The following UBL3 variants were observed in gnomAD, a reference collection of about 807,000 sequenced individuals.
UBL3 encodes ubiquitin like 3.
A neutral mutation model predicts 18.4 loss-of-function variants in UBL3; 6 were observed. That is an observed-to-expected ratio of 0.33 (90% CI 0.18 to 0.64). The LOEUF is 0.64. UBL3 is among the 30% of genes least tolerant of loss of function. The pLI is 0.76. For missense variants in UBL3, 109 were observed against 142.9 expected (o/e 0.76, Z 1.21); for synonymous variants, 49 against 46.6 (o/e 1.05, Z -0.21).
chr13:29,770,765 C>T (rs1254637211), intron 3 of UBL3, among the ~76,000 whole-genome samples: 1 of 151,648 alleles, frequency 6.6e-6, no homozygotes, highest in Admixed American at 6.6e-5. Flanking sequence ...AGGGAGCTAA[C>T]AGTCAATTCT....
intron 3 of UBL3, among the ~76,000 whole-genome samples, chr13:29,771,552 C>T (rs1876841061): frequency 6.6e-6 from 1 of 152,162 alleles, no homozygotes; most frequent in South Asian, 2.1e-4. Flanking sequence ...GAAACTGGAA[C>T]ACAGGTTGGT....
intron 1 of UBL3, among the ~76,000 whole-genome samples, chr13:29,822,598 C>T (rs1009451360): frequency 1.3e-5 from 2 of 152,142 alleles, no homozygotes; most frequent in African/African-American, 4.8e-5. Context: ...AGTGCAGTGG[C>T]GTAATCACAG....
intron 1 of UBL3, among the ~76,000 whole-genome samples, chr13:29,782,918 A>G (rs1008507456): frequency 1.3e-5 from 2 of 152,236 alleles, no homozygotes; most frequent in South Asian, 4.1e-4. Context: ...CTCTTGCCTG[A>G]AACATCCAGT....
intron 1 of UBL3, among the ~76,000 whole-genome samples, chr13:29,843,029 A>G (rs1207718935): frequency 6.6e-6 from 1 of 152,224 alleles, no homozygotes; most frequent in Admixed American, 6.5e-5. Flanking sequence ...ATGGTTAGGA[A>G]TAAGTAGGCA....
intron 1 of UBL3, among the ~76,000 whole-genome samples, chr13:29,802,956 C>A (rs1488997670): frequency 2.6e-5 from 4 of 152,092 alleles, no homozygotes; most frequent in African/African-American, 9.7e-5. Flanking sequence ...TGCAGAGAAT[C>A]CCTGAAAGAT....
At chr13:29,838,635 G>A (rs749773791) in intron 1 of UBL3, among the ~76,000 whole-genome samples, 58 of 152,120 alleles carry the variant, frequency 3.8e-4, no homozygotes, top group Non-Finnish European at 6.6e-4. Context: ...AACCAGTAAA[G>A]ATAGTAAAAG....
chr13:29,777,321 A>G, intron 1 of UBL3, 58 bp from the exon 2 acceptor site: 3 of 1,356,324 alleles, frequency 2.2e-6, no homozygotes, highest in East Asian at 5.0e-5. Context: ...AGTAAAAAAG[A>G]AGACTCAAAG....
chr13:29,816,953 C>T (rs1237991495), intron 1 of UBL3, among the ~76,000 whole-genome samples: 1 of 152,082 alleles, frequency 6.6e-6, no homozygotes, highest in Non-Finnish European at 1.5e-5. Flanking sequence ...TTAGGGTTAT[C>T]TATCACCTCT....
At chr13:29,793,185 A>G (rs1365032276) in intron 1 of UBL3, among the ~76,000 whole-genome samples, 1 of 152,216 alleles carries the variant, frequency 6.6e-6, no homozygotes, top group Non-Finnish European at 1.5e-5. Flanking sequence ...AAAAAGAAAC[A>G]GCTAAGGAAA....
chr13:29,835,770 A>C (rs1316709556), intron 1 of UBL3, among the ~76,000 whole-genome samples: 1 of 151,032 alleles, frequency 6.6e-6, no homozygotes, highest in East Asian at 1.9e-4. Flanking sequence ...AAAAAAAAAA[A>C]AAAAAAAAAA....
Position 29,846,256 on chromosome 13 carries a change from C to T in UBL3, c.27+3256G>A, listed in dbSNP as rs184718085. Among the ~76,000 whole-genome samples the T allele has an allele frequency of 1.9e-3, 293 of 152,154 alleles. 1 individual carries two copies. The highest frequency in any genetic ancestry group is 6.7e-3 in the African/African-American group (277 of 41,540). On this transcript the variant is annotated intron_variant, in intron 1 of 4. Transcript: ENST00000380680. ...AGATTTTTTCACAAATAAGTTACTA[C>T]ACTAAGATGTTATTAAATCTAGTTC...
rs770036098 is a variant in UBL3 at position 29,849,522 on chromosome 13, G to C, written c.17C>G (p.Pro6Arg). 2.5e-5 allele frequency: 40 copies of C among 1,613,876 alleles called. No homozygotes were observed. The highest frequency in any genetic ancestry group is 3.2e-5 in the Non-Finnish European group (38 of 1,180,038). Residue 6 changes from proline (P) to arginine (R), a missense_variant, in exon 1 of 5, where the codon CCG becomes CGG. Physicochemically the swap from Pro to Arg is moderately radical, Grantham distance 103. Coordinates refer to ENST00000380680, the MANE Select transcript of UBL3 (RefSeq NM_007106.4). The part of the protein sequence containing the change: MSSNV[P>R]ADMINLRLIL... ...TTATCCGTCACTTACCATATCCGCCGGGACATTACTGGACATCTTGCCGTT... is the reference window on the plus strand; with the variant it reads ...TTATCCGTCACTTACCATATCCGCCCGGACATTACTGGACATCTTGCCGTT...
chr13:29,849,196 A>G (rs984359798), intron 1 of UBL3, among the ~76,000 whole-genome samples: 1 of 152,350 alleles, frequency 6.6e-6, no homozygotes, highest in South Asian at 2.1e-4. Flanking sequence ...TGACGTTTTC[A>G]GAAACGTTAA....
At chr13:29,845,904 A>T (rs1879216960) in intron 1 of UBL3, among the ~76,000 whole-genome samples, 3 of 152,110 alleles carry the variant, frequency 2.0e-5, no homozygotes, top group East Asian at 3.8e-4. Context: ...TCAATGTAAT[A>T]GATAAAGTAT....
At chr13:29,805,951 A>G (rs1266987540) in intron 1 of UBL3, among the ~76,000 whole-genome samples, 1 of 152,182 alleles carries the variant, frequency 6.6e-6, no homozygotes, top group Non-Finnish European at 1.5e-5. Context: ...CAAGGTGGGC[A>G]GATCACCTGA....
intron 1 of UBL3, among the ~76,000 whole-genome samples, chr13:29,810,794 C>T (rs1878053489): frequency 6.6e-6 from 1 of 152,110 alleles, no homozygotes; most frequent in East Asian, 1.9e-4. Flanking sequence ...GAAACCAGCA[C>T]TCTGCTTAGG....
At chr13:29,806,557 G>T (rs1297196374) in intron 1 of UBL3, among the ~76,000 whole-genome samples, 1 of 152,148 alleles carries the variant, frequency 6.6e-6, no homozygotes, top group African/African-American at 2.4e-5. Context: ...GGTAGGGCTG[G>T]GGGGCAGGGA....
chr13:29,777,634 C>A, intron 1 of UBL3: 2 of 215,402 alleles, frequency 9.3e-6, no homozygotes, highest in Non-Finnish European at 9.6e-6. Context: ...GTTGACACTG[C>A]AGGTCTCGTC....
chr13:29,820,169 CTTTTTTTTT>C (rs36050662), intron 1 of UBL3, among the ~76,000 whole-genome samples: 61 of 104,950 alleles, frequency 5.8e-4, no homozygotes, highest in Admixed American at 5.2e-4. Context: ...CTCAGAGTTC[CTTTTTTTTT>C]TTTTTTTTTT....
Sources: gnomAD v4.1 joint callset for allele counts (sites outside exome capture counted in the v4.1 genomes callset) on GRCh38, gnomAD v4.1.1 for gene constraint, MANE v1.5 for transcripts, NCBI Gene and HGNC (gene_info 2026-07-23, HGNC 2026-07-21) for gene names.